LRFN5: variants seen among roughly 807,000 people sequenced by gnomAD.
LRFN5 encodes the protein leucine-rich repeat and fibronectin type-III domain-containing protein 5.
LRFN5 carries 24 observed loss-of-function variants against 45.6 expected under a neutral mutation model. That is an observed-to-expected ratio of 0.53 (90% confidence interval 0.38 to 0.74). The LOEUF (loss-of-function observed/expected upper bound fraction) is 0.74. LRFN5 is among the 30% of genes least tolerant of loss of function. The pLI is 0.00. For missense variants in LRFN5, 776 were observed against 861.5 expected, an observed-to-expected ratio of 0.90 and a Z score of 1.24; for synonymous variants, 340 against 313.8, an observed-to-expected ratio of 1.08 and a Z score of -0.88.
chr14:41,851,767 C>T (rs1889276106), intron 2 of LRFN5, among the ~76,000 whole-genome samples: 3 of 151,808 alleles, frequency 2.0e-5, no homozygotes, highest in African/African-American at 7.2e-5. Context: ...ATTACACAGG[C>T]AGTTTATTAG....
At chr14:41,898,782 T>C (rs1391166581) in intron 4 of LRFN5, 135 bp from the exon 5 acceptor site, 18 of 822,520 alleles carry the variant, frequency 2.2e-5, no homozygotes, top group African/African-American at 3.6e-5. Context: ...CTGGTAAGTT[T>C]TTTAAAAAAA....
intron 1 of LRFN5, among the ~76,000 whole-genome samples, chr14:41,735,254 CTTTATT>C (rs74763036): frequency 0.14 from 20,976 of 151,718 alleles, 2,209 homozygotes; most frequent in East Asian, 0.48. Flanking sequence ...ATCCATTCAC[CTTTATT>C]TTTATTTTTA....
chr14:41,617,239 T>A (rs1487191846), intron 1 of LRFN5, among the ~76,000 whole-genome samples: 1 of 152,144 alleles, frequency 6.6e-6, no homozygotes, highest in Non-Finnish European at 1.5e-5. Context: ...GGTCTTTTCC[T>A]GGCACTGTAG....
Position 41,874,375 on chromosome 14 carries a change from G to A in LRFN5, c.-20-12231G>A, listed in dbSNP as rs532591621. 7.9e-5 allele frequency among the ~76,000 whole-genome samples: 12 copies of A among 152,278 alleles called. No homozygotes were observed. In the South Asian group the frequency reaches 2.5e-3, roughly 32 times the overall value. ...GAACTCAAGATCTTTTTACTCTGAT[G>A]CTTTCCAAAAGGCACAGATATGTTG... On this transcript the variant is annotated intron_variant, in intron 2 of 5. Transcript: ENST00000298119.
At chr14:41,741,552 G>A (rs368630067) in intron 1 of LRFN5, among the ~76,000 whole-genome samples, 8 of 151,470 alleles carry the variant, frequency 5.3e-5, no homozygotes, top group Non-Finnish European at 1.2e-4. Flanking sequence ...AATTCAAAAC[G>A]GACAAAAGAC....
chr14:41,791,848 AT>A (rs572408586), intron 2 of LRFN5, among the ~76,000 whole-genome samples: 167 of 152,252 alleles, frequency 1.1e-3, no homozygotes, highest in African/African-American at 3.9e-3. Flanking sequence ...AGACTTTTGA[AT>A]GTCACTATGA....
intron 1 of LRFN5, among the ~76,000 whole-genome samples, chr14:41,634,330 A>G (rs900811674): frequency 1.3e-5 from 2 of 152,156 alleles, no homozygotes; most frequent in African/African-American, 4.8e-5. Context: ...AGCCAAAAAT[A>G]TGTCACTAAG....
chr14:41,806,535 C>T (rs879709688), intron 2 of LRFN5, among the ~76,000 whole-genome samples: 18 of 152,164 alleles, frequency 1.2e-4, no homozygotes, highest in Admixed American at 2.6e-4. Context: ...GCTGTGATTA[C>T]GTGTGATAAT....
intron 1 of LRFN5, among the ~76,000 whole-genome samples, chr14:41,680,287 T>C (rs1881826720): frequency 6.6e-6 from 1 of 152,104 alleles, no homozygotes; most frequent in South Asian, 2.1e-4. Flanking sequence ...TAGCCACGCA[T>C]TGGTTACTCT....
At chr14:41,895,055 A>G in intron 4 of LRFN5, 1 of 984,642 alleles carries the variant, frequency 1.0e-6, no homozygotes, top group African/African-American at 1.7e-5. Context: ...CAATGTGAGA[A>G]CAAACAAAAT....
chr14:41,824,063 A>G (rs1888214456), intron 2 of LRFN5, among the ~76,000 whole-genome samples: 1 of 151,778 alleles, frequency 6.6e-6, no homozygotes, highest in Non-Finnish European at 1.5e-5. Flanking sequence ...TCATTTATAT[A>G]TTGAATTGTT....
intron 1 of LRFN5, among the ~76,000 whole-genome samples, chr14:41,638,469 T>A (rs1879412782): frequency 6.6e-6 from 1 of 152,126 alleles, no homozygotes; most frequent in Non-Finnish European, 1.5e-5. Context: ...GAATGAATGA[T>A]GAAAGCAATT....
At chr14:41,644,755 T>C (rs1437134539) in intron 1 of LRFN5, among the ~76,000 whole-genome samples, 2 of 152,220 alleles carry the variant, frequency 1.3e-5, no homozygotes. Context: ...CTCCATTATT[T>C]GATAGTTTAA....
At chr14:41,815,266 G>A (rs543548302) in intron 2 of LRFN5, among the ~76,000 whole-genome samples, 3 of 152,226 alleles carry the variant, frequency 2.0e-5, no homozygotes, top group East Asian at 3.9e-4. Context: ...TTTTCATGGA[G>A]AATTTGCCCT....
chr14:41,780,006 A>G (rs1186148412), intron 2 of LRFN5, among the ~76,000 whole-genome samples: 1 of 151,676 alleles, frequency 6.6e-6, no homozygotes, highest in East Asian at 1.9e-4. Flanking sequence ...ATGTTGGTCA[A>G]TTTTCTCTAG....
chr14:41,769,657 A>G (rs557193345), intron 2 of LRFN5, among the ~76,000 whole-genome samples: 2 of 152,304 alleles, frequency 1.3e-5, no homozygotes, highest in South Asian at 2.1e-4. Context: ...ATGACATTAA[A>G]TATATAATAT....
At chr14:41,654,655 A>G (rs1880291438) in intron 1 of LRFN5, among the ~76,000 whole-genome samples, 1 of 152,082 alleles carries the variant, frequency 6.6e-6, no homozygotes, top group Non-Finnish European at 1.5e-5. Context: ...AGAATAATCA[A>G]TTGTGTCAAA....
intron 1 of LRFN5, among the ~76,000 whole-genome samples, chr14:41,691,552 T>C (rs1349517561): frequency 6.6e-6 from 1 of 152,078 alleles, no homozygotes; most frequent in Admixed American, 6.6e-5. Flanking sequence ...GGTGCAATTG[T>C]GCATATACAT....
At chr14:41,725,863 A>G (rs1883909006) in intron 1 of LRFN5, among the ~76,000 whole-genome samples, 1 of 152,126 alleles carries the variant, frequency 6.6e-6, no homozygotes, top group South Asian at 2.1e-4. Context: ...TAACTCTCCA[A>G]TTTTATATTT....
Sources: gnomAD v4.1 joint callset for allele counts (sites outside exome capture counted in the v4.1 genomes callset) on GRCh38, gnomAD v4.1.1 for gene constraint, MANE v1.5 for transcripts, NCBI Gene and HGNC (gene_info 2026-07-23, HGNC 2026-07-21) for gene names.